The following KCTD8 variants were observed in gnomAD, a reference collection of about 807,000 sequenced individuals.
The protein encoded by KCTD8 is potassium channel tetramerization domain containing 8.
In KCTD8, 27 loss-of-function variants were observed where a neutral mutation model predicts 31.5. That is an observed-to-expected ratio of 0.86 (90% CI 0.63 to 1.18). The LOEUF is 1.18. Among genes scored for constraint, KCTD8 ranks in the 50% most tolerant of loss-of-function variants. KCTD8 has a pLI of 0.00. For missense variants in KCTD8, 658 were observed against 647.7 expected (o/e 1.02, Z -0.17); for synonymous variants, 290 against 280.0 (o/e 1.04, Z -0.36).
intron 1 of KCTD8, among the ~76,000 whole-genome samples, chr4:44,291,542 C>T (rs1336199097): frequency 6.6e-6 from 1 of 152,024 alleles, no homozygotes; most frequent in African/African-American, 2.4e-5. Flanking sequence ...CTAGGAAATA[C>T]CCTTCCCGAC....
At chr4:44,405,438 T>C (rs1716879110) in intron 1 of KCTD8, among the ~76,000 whole-genome samples, 2 of 152,050 alleles carry the variant, frequency 1.3e-5, no homozygotes, top group South Asian at 2.1e-4. Flanking sequence ...TTTGTATTTT[T>C]AGTAGAGACA....
chr4:44,304,517 TA>T (rs1187358310), intron 1 of KCTD8, among the ~76,000 whole-genome samples: 2 of 152,130 alleles, frequency 1.3e-5, no homozygotes, highest in East Asian at 3.8e-4. Context: ...ACATAACATC[TA>T]GTCAACATAA....
intron 1 of KCTD8, among the ~76,000 whole-genome samples, chr4:44,212,705 C>G (rs1560396194): frequency 1.3e-5 from 2 of 152,082 alleles, no homozygotes; most frequent in African/African-American, 4.8e-5. Flanking sequence ...CTTTTACACT[C>G]AAAATTTATG....
At chr4:44,279,144 C>A (rs1716829734) in intron 1 of KCTD8, among the ~76,000 whole-genome samples, 1 of 152,040 alleles carries the variant, frequency 6.6e-6, no homozygotes, top group Admixed American at 6.6e-5. Context: ...AAGGTGTGTG[C>A]ATTATCTATA....
At chr4:44,206,897 T>A (rs1048448909) in intron 1 of KCTD8, among the ~76,000 whole-genome samples, 2 of 152,222 alleles carry the variant, frequency 1.3e-5, no homozygotes, top group African/African-American at 4.8e-5. Context: ...TGTCTCACAG[T>A]AGTCTTGCAT....
chr4:44,418,115 G>C (rs1721120573), intron 1 of KCTD8, among the ~76,000 whole-genome samples: 1 of 152,122 alleles, frequency 6.6e-6, no homozygotes, highest in Non-Finnish European at 1.5e-5. Context: ...CCACTAAGGA[G>C]CCACGAATTA....
chr4:44,263,854 C>T (rs1254926477), intron 1 of KCTD8, among the ~76,000 whole-genome samples: 3 of 152,114 alleles, frequency 2.0e-5, no homozygotes, highest in African/African-American at 7.2e-5. Flanking sequence ...TAGAAGGACC[C>T]TAAGGAATTC....
chr4:44,243,556 T>C (rs1003721873), intron 1 of KCTD8, among the ~76,000 whole-genome samples: 3 of 152,220 alleles, frequency 2.0e-5, no homozygotes, highest in Non-Finnish European at 4.4e-5. Flanking sequence ...CCTTCTGGAA[T>C]TCCAGTCATT....
At chr4:44,422,542 G>A (rs954936333) in intron 1 of KCTD8, among the ~76,000 whole-genome samples, 11 of 151,924 alleles carry the variant, frequency 7.2e-5, no homozygotes, top group East Asian at 3.9e-4. Flanking sequence ...ATTAATATAC[G>A]CAAATCGCAA....
At chr4:44,401,776 T>C (rs1028257147) in intron 1 of KCTD8, among the ~76,000 whole-genome samples, 2 of 152,216 alleles carry the variant, frequency 1.3e-5, no homozygotes, top group Non-Finnish European at 2.9e-5. Flanking sequence ...CTATTCTATT[T>C]AGGCTGCTTC....
chr4:44,217,106 C>T (rs1401441931), intron 1 of KCTD8, among the ~76,000 whole-genome samples: 2 of 152,110 alleles, frequency 1.3e-5, no homozygotes, highest in Admixed American at 6.6e-5. Flanking sequence ...AAGGGTCATC[C>T]TACTATGCAG....
At chr4:44,224,333 C>T (rs1377826613) in intron 1 of KCTD8, among the ~76,000 whole-genome samples, 1 of 152,172 alleles carries the variant, frequency 6.6e-6, no homozygotes, top group East Asian at 1.9e-4. Context: ...ATTTATTTGT[C>T]ACTTTTTTTC....
At chr4:44,282,951 C>T (rs895505958) in intron 1 of KCTD8, among the ~76,000 whole-genome samples, 4 of 151,736 alleles carry the variant, frequency 2.6e-5, no homozygotes, top group Admixed American at 6.6e-5. Context: ...CAAATGCTAA[C>T]GTAGAAGCTG....
chr4:44,269,628 C>T lies in KCTD8; in HGVS notation c.962-94378G>A, dbSNP rs545022069. Among the ~76,000 whole-genome samples the T allele has an allele frequency of 7.4e-3, 1,120 of 152,168 alleles. 18 individuals carry two copies. Among genetic ancestry groups the T allele is most frequent in the African/African-American group, 0.025 (1,033 of 41,494 alleles). On this transcript the variant is annotated intron_variant, in intron 1 of 1. Coordinates refer to ENST00000360029, the MANE Select transcript of KCTD8 (RefSeq NM_198353.3). The stretch of plus-strand genomic sequence containing the variant: ...AACCTACAAAATGGGAGAAAATTTT[C>T]GCAACCTACTCATCTGAAAAAGGGC...
At chr4:44,206,562 G>A (rs566839329) in intron 1 of KCTD8, among the ~76,000 whole-genome samples, 110 of 152,164 alleles carry the variant, frequency 7.2e-4, no homozygotes, top group Non-Finnish European at 1.3e-3. Flanking sequence ...CAAGGGCTGC[G>A]TAAAGTGGTC....
chr4:44,293,398 C>T (rs1178706652), intron 1 of KCTD8: 1 of 453,634 alleles, frequency 2.2e-6, no homozygotes, highest in Non-Finnish European at 4.4e-6. Flanking sequence ...AGAGTATTAA[C>T]CTTACCTGCT....
At chr4:44,437,507 G>A (rs1232728303) in intron 1 of KCTD8, among the ~76,000 whole-genome samples, 1 of 152,050 alleles carries the variant, frequency 6.6e-6, no homozygotes, top group East Asian at 1.9e-4. Context: ...ATCTAATCTG[G>A]ATTTCCCTCA....
chr4:44,411,323 A>G (rs979271901), intron 1 of KCTD8, among the ~76,000 whole-genome samples: 2 of 145,586 alleles, frequency 1.4e-5, no homozygotes, highest in African/African-American at 5.1e-5. Flanking sequence ...GGCTGCAGTG[A>G]GCCATGAATG....
At chr4:44,336,917 C>T (rs188974405) in intron 1 of KCTD8, among the ~76,000 whole-genome samples, 26 of 149,278 alleles carry the variant, frequency 1.7e-4, no homozygotes, top group Admixed American at 1.1e-3. Flanking sequence ...AATCTCTAAA[C>T]GAGAGAAGTC....
Sources: gnomAD v4.1 joint callset for allele counts (sites outside exome capture counted in the v4.1 genomes callset) on GRCh38, gnomAD v4.1.1 for gene constraint, MANE v1.5 for transcripts, NCBI Gene and HGNC (gene_info 2026-07-23, HGNC 2026-07-21) for gene names.